The following FHAD1 variants were observed in gnomAD, a reference collection of about 807,000 sequenced individuals.
FHAD1 encodes the protein forkhead-associated domain-containing protein 1.
Under a neutral mutation model 191.3 loss-of-function variants are expected in FHAD1, and 146 were observed. The ratio of observed to expected loss-of-function variants is 0.76; its 90% CI spans 0.67 to 0.88. The LOEUF is 0.88. Ranked by LOEUF, FHAD1 falls within the 40% of genes least tolerant of loss-of-function variation. The pLI is 0.00. For missense variants in FHAD1, 1,635 were observed against 1,785.8 expected (o/e 0.92, Z 1.52); for synonymous variants, 616 against 672.3 (o/e 0.92, Z 1.29).
chr1:15,383,814 A>G (rs1178517350), intron 31 of FHAD1: 1 of 417,044 alleles, frequency 2.4e-6, no homozygotes, highest in Non-Finnish European at 4.9e-6. Context: ...CAGATGAGGA[A>G]ACTGCGCCTC....
chr1:15,376,573 G>C (rs371502995), intron 28 of FHAD1, among the ~76,000 whole-genome samples: 2 of 152,172 alleles, frequency 1.3e-5, no homozygotes, highest in African/African-American at 4.8e-5. Flanking sequence ...GTCCAGATCC[G>C]AGCTCTGCGA....
rs1553124236 is a variant in FHAD1 at position 15,389,458 on chromosome 1, A to AAAAAAAAAC, written c.4269+1335_4269+1336insCAAAAAAAA. Among the ~76,000 whole-genome samples, 88 of 149,136 alleles carry AAAAAAAAAC rather than the reference A, an allele frequency of 5.9e-4. 3 individuals carry two copies. Among genetic ancestry groups the AAAAAAAAAC allele is most frequent in the African/African-American group, 2.1e-3 (83 of 39,188 alleles). On this transcript the variant is annotated intron_variant, in intron 32 of 33. Transcript: ENST00000688493. ...GGAAGAACCTGTCTCAAAAAAAAAA[A>AAAAAAAAAC]AAAAAAAAAACCTGCTGGAAGAGAA...
chr1:15,309,561 C>G (rs1199694040), intron 7 of FHAD1, among the ~76,000 whole-genome samples: 1 of 152,130 alleles, frequency 6.6e-6, no homozygotes, highest in Non-Finnish European at 1.5e-5. Context: ...TAGCTTAGTG[C>G]AAGCTTGTCC....
At chr1:15,328,235 T>A (rs2101814538) in intron 12 of FHAD1, 42 bp from the exon 13 acceptor site, 1 of 1,418,606 alleles carries the variant, frequency 7.0e-7, no homozygotes, top group East Asian at 2.7e-5. Flanking sequence ...CCCCTGTATG[T>A]TACATCTTTT....
intron 2 of FHAD1, among the ~76,000 whole-genome samples, chr1:15,267,171 A>G (rs940938647): frequency 1.3e-5 from 2 of 152,232 alleles, no homozygotes; most frequent in African/African-American, 4.8e-5. Context: ...GATTTTAACC[A>G]TCATATTTCA....
In FHAD1 at chr1:15,316,655, G is replaced by A. The variant is rs1674553010; in HGVS notation, c.1260+188G>A. Among the ~76,000 whole-genome samples the A allele has an allele frequency of 6.6e-6, 1 of 152,188 alleles. No individual in the cohort carries two copies. Among genetic ancestry groups the A allele is most frequent in the African/African-American group, 2.4e-5 (1 of 41,442 alleles). ...AAAGAGATGGGTGAAGGGGCCCCAG[G>A]ATTCCCTGGGCAGTTGGCTCTAGCT... On this transcript the variant is annotated intron_variant, in intron 9 of 33. Coordinates refer to ENST00000688493, the MANE Select transcript of FHAD1 (RefSeq NM_001391957.1). The surrounding 1 kb of genome is among the most constrained non-coding windows in gnomAD (Gnocchi z 4.3).
At chr1:15,371,361 C>T (rs1033807440) in intron 26 of FHAD1, among the ~76,000 whole-genome samples, 3 of 152,054 alleles carry the variant, frequency 2.0e-5, no homozygotes, top group Non-Finnish European at 2.9e-5. Context: ...TGGAGGAGGA[C>T]GGGGGAGGGA....
downstream of FHAD1, chr1:15,400,224 T>C (rs1707055768): frequency 6.6e-6 from 1 of 152,284 alleles, no homozygotes; most frequent in African/African-American, 2.4e-5. Context: ...GAACCATGAA[T>C]GAACTGCCTA....
chr1:15,237,663 T>C (rs1423229758), intron 1 of FHAD1, among the ~76,000 whole-genome samples: 1 of 152,152 alleles, frequency 6.6e-6, no homozygotes, highest in Non-Finnish European at 1.5e-5. Flanking sequence ...GGACAATCTT[T>C]GAGACTTAAG....
chr1:15,318,710 A>G lies in FHAD1; in HGVS notation c.1365+782A>G, dbSNP rs552715314. Among the ~76,000 whole-genome samples, 9 of 152,350 alleles carry G rather than the reference A, an allele frequency of 5.9e-5. 1 individual carries two copies. The South Asian group carries it at 1.9e-3, about 32-fold the overall frequency. On this transcript the variant is annotated intron_variant, in intron 10 of 33. Transcript: ENST00000688493. This position sits in a 1 kb window ranked among gnomAD's most constrained non-coding sequence, Gnocchi z 4.1. ...GTTGCCAGCCACGTTCCAAGTGCAT[A>G]GTAGCCACGTGTAGCTGGTGGCTGC... is the stretch of plus-strand genomic sequence containing the variant.
chr1:15,402,354 C>CT (rs1262138305), downstream of FHAD1, among the ~76,000 whole-genome samples: 1 of 152,164 alleles, frequency 6.6e-6, no homozygotes, highest in African/African-American at 2.4e-5. Context: ...TATTATTATA[C>CT]TTTAAGTTTT....
At chr1:15,284,378 C>T (rs768356661) in intron 3 of FHAD1, among the ~76,000 whole-genome samples, 2 of 150,740 alleles carry the variant, frequency 1.3e-5, no homozygotes, top group Non-Finnish European at 2.9e-5. Flanking sequence ...ACTCGGGAAG[C>T]TGAGGCAGGA....
intron 26 of FHAD1, among the ~76,000 whole-genome samples, chr1:15,373,565 A>G (rs191538575): frequency 2.0e-5 from 3 of 151,802 alleles, no homozygotes; most frequent in Non-Finnish European, 4.4e-5. Flanking sequence ...AGTAAACCCA[A>G]CTCTAGGCTG....
At position 15,301,416 on chromosome 1, in the gene FHAD1, AAG is replaced by A; in HGVS notation, c.894_895del (p.Glu298AspfsTer36). On this transcript the variant is annotated frameshift_variant, in exon 6 of 34. Transcript: ENST00000688493. LOFTEE classifies it high-confidence loss of function. ...GATGAAGACATCGATGCCAAACAGA[AAG>A]AGATCCAGAGCTTGAAAAGCCAGGT... The A allele has an allele frequency of 6.4e-7, 1 of 1,551,730 alleles. No homozygotes were observed. Among genetic ancestry groups the A allele is most frequent in the South Asian group, 1.2e-5 (1 of 84,032 alleles).
At chr1:15,355,060 T>G (rs1160105183) in intron 20 of FHAD1, among the ~76,000 whole-genome samples, 2 of 152,066 alleles carry the variant, frequency 1.3e-5, no homozygotes, top group Non-Finnish European at 2.9e-5. Flanking sequence ...AATACAAAAA[T>G]TAGCCAGGCA....
At chr1:15,300,662 A>T (rs572283291) in intron 5 of FHAD1, among the ~76,000 whole-genome samples, 1 of 152,276 alleles carries the variant, frequency 6.6e-6, no homozygotes, top group African/African-American at 2.4e-5. Context: ...TTTAGGGGAA[A>T]GGAAAGTTTC....
At chr1:15,250,977 C>T (rs1002842724) in intron 1 of FHAD1, among the ~76,000 whole-genome samples, 1 of 152,122 alleles carries the variant, frequency 6.6e-6, no homozygotes, top group South Asian at 2.1e-4. Context: ...TTCTAGATAC[C>T]TCACGTATAT....
At chr1:15,259,904 A>G (rs1480987562) in intron 2 of FHAD1, among the ~76,000 whole-genome samples, 1 of 152,224 alleles carries the variant, frequency 6.6e-6, no homozygotes, top group East Asian at 1.9e-4. Flanking sequence ...TGTAAGAAAC[A>G]GCGCACACAA....
At chr1:15,304,939 C>G (rs750207737) in intron 6 of FHAD1, among the ~76,000 whole-genome samples, 1 of 141,496 alleles carries the variant, frequency 7.1e-6, no homozygotes, top group Non-Finnish European at 1.6e-5. Flanking sequence ...CAGGGCACAC[C>G]GTATCTGCAT....
Sources: allele counts gnomAD v4.1 joint callset (sites outside exome capture counted in the v4.1 genomes callset), GRCh38; gene constraint gnomAD v4.1.1; non-coding constraint Gnocchi (gnomAD v3.1); transcripts MANE v1.5; gene names NCBI Gene and HGNC (gene_info 2026-07-23, HGNC 2026-07-21).